The following ERI3 variants were observed in gnomAD, a reference collection of about 807,000 sequenced individuals.
ERI3 encodes ERI1 exoribonuclease 3.
A neutral mutation model predicts 44.4 loss-of-function variants in ERI3; 18 were observed. The observed-to-expected ratio is 0.41, with a 90% CI of 0.28 to 0.60. The LOEUF (loss-of-function observed/expected upper bound fraction) is 0.60, where lower values mean the gene tolerates loss of function less well. ERI3 is among the 20% of genes least tolerant of loss of function. ERI3 has a pLI of 0.36. For missense variants in ERI3, 294 were observed against 435.5 expected, an observed-to-expected ratio of 0.68 and a Z score of 2.89; for synonymous variants, 183 against 164.8, an observed-to-expected ratio of 1.11 and a Z score of -0.84.
rs1553195908 is a variant in ERI3 at position 44,314,154 on chromosome 1, G to GT, written c.607-927_607-926insA. Among the ~76,000 whole-genome samples, 3 of 36,516 alleles carry GT rather than the reference G, an allele frequency of 8.2e-5. No homozygotes were observed. The South Asian group carries it at 5.5e-3, about 67-fold the overall frequency. The allele number at this position is 36,516 out of a possible 152,430, so 24.0% of individuals were successfully genotyped here. On this transcript the variant is annotated intron_variant, in intron 4 of 8. Coordinates refer to ENST00000372257, the MANE Select transcript of ERI3 (RefSeq NM_024066.3). ...AAACTTCTTTTTTTTAAAGTGTGTT[G>GT]GGGGGGGGGAGATTAAACTCCAATT...
At chr1:44,340,696 G>C (rs1217904897) in intron 2 of ERI3, among the ~76,000 whole-genome samples, 2 of 151,946 alleles carry the variant, frequency 1.3e-5, no homozygotes, top group African/African-American at 2.4e-5. Flanking sequence ...TCCCTATAAT[G>C]AGATTTCAGG....
chr1:44,284,603 C>A (rs1232538069), intron 7 of ERI3, among the ~76,000 whole-genome samples: 3 of 152,166 alleles, frequency 2.0e-5, no homozygotes, highest in Non-Finnish European at 2.9e-5. Context: ...TGGGGGACAC[C>A]AACTAGGGCA....
chr1:44,338,439 G>C (rs970746255), intron 3 of ERI3, among the ~76,000 whole-genome samples: 2 of 152,196 alleles, frequency 1.3e-5, no homozygotes, highest in Non-Finnish European at 2.9e-5. Flanking sequence ...CTGGATTTTG[G>C]CTAAGAGCCT....
At chr1:44,257,676 C>T (rs1267983212) in intron 7 of ERI3, among the ~76,000 whole-genome samples, 2 of 152,166 alleles carry the variant, frequency 1.3e-5, no homozygotes, top group Non-Finnish European at 2.9e-5. Flanking sequence ...CTCATGGCCT[C>T]CTGCGCCAGA....
intron 7 of ERI3, among the ~76,000 whole-genome samples, chr1:44,277,099 T>A (rs1464793273): frequency 2.6e-5 from 4 of 152,202 alleles, no homozygotes; most frequent in Non-Finnish European, 5.9e-5. Flanking sequence ...AAATGACTCA[T>A]CTGTTTCACA....
intron 6 of ERI3, among the ~76,000 whole-genome samples, chr1:44,299,104 G>A (rs1645670507): frequency 6.6e-6 from 1 of 151,872 alleles, no homozygotes; most frequent in African/African-American, 2.4e-5. Flanking sequence ...TAGTTACCCA[G>A]GTGTATACTT....
At chr1:44,263,831 C>T (rs1047492904) in intron 7 of ERI3, among the ~76,000 whole-genome samples, 1 of 152,226 alleles carries the variant, frequency 6.6e-6, no homozygotes, top group African/African-American at 2.4e-5. Context: ...TGAGCCCTTC[C>T]TCCCAAGATA....
intron 8 of ERI3, among the ~76,000 whole-genome samples, chr1:44,247,307 C>T (rs1175809815): frequency 6.6e-6 from 1 of 152,102 alleles, no homozygotes; most frequent in Non-Finnish European, 1.5e-5. Context: ...CTAACAAAAC[C>T]TCCAACTGCC....
chr1:44,330,272 A>G (rs150101028), intron 3 of ERI3, among the ~76,000 whole-genome samples: 5 of 152,296 alleles, frequency 3.3e-5, no homozygotes, highest in African/African-American at 1.2e-4. Context: ...CCAGCACCTA[A>G]CCCTCAGATC....
intron 6 of ERI3, among the ~76,000 whole-genome samples, chr1:44,298,926 C>G (rs1416483033): frequency 1.3e-5 from 2 of 152,106 alleles, no homozygotes; most frequent in East Asian, 3.8e-4. Flanking sequence ...AAGAGTATGC[C>G]TTGCATGATT....
chr1:44,295,352 C>T (rs1645588949), intron 6 of ERI3, among the ~76,000 whole-genome samples: 1 of 152,226 alleles, frequency 6.6e-6, no homozygotes, highest in Admixed American at 6.5e-5. Flanking sequence ...ATTCTCACAG[C>T]ATTTGTGTTG....
chr1:44,238,967 T>A (rs1208439941), intron 8 of ERI3, among the ~76,000 whole-genome samples: 1 of 152,026 alleles, frequency 6.6e-6, no homozygotes, highest in Admixed American at 6.6e-5. Context: ...GAGTAACTAA[T>A]TACGGAAGAA....
intron 8 of ERI3, among the ~76,000 whole-genome samples, chr1:44,224,705 T>C (rs749449982): frequency 1.3e-5 from 2 of 152,194 alleles, no homozygotes; most frequent in Admixed American, 6.5e-5. Context: ...AGATGACTGA[T>C]AGGGGCCAGC....
At chr1:44,245,128 C>T (rs1217691948) in intron 8 of ERI3, among the ~76,000 whole-genome samples, 4 of 152,322 alleles carry the variant, frequency 2.6e-5, no homozygotes, top group Admixed American at 2.6e-4. Context: ...CAAACTCTTA[C>T]AGCGCGACCC....
chr1:44,234,157 T>A (rs1281517907), intron 8 of ERI3, among the ~76,000 whole-genome samples: 3 of 152,172 alleles, frequency 2.0e-5, no homozygotes, highest in African/African-American at 7.2e-5. Context: ...GGCAAACTTA[T>A]CCCCTCCTGG....
chr1:44,291,599 A>G (rs757469376), intron 6 of ERI3, among the ~76,000 whole-genome samples: 62 of 152,344 alleles, frequency 4.1e-4, no homozygotes, highest in Non-Finnish European at 7.6e-4. Context: ...ATAGGAGATC[A>G]CATCAAAGCT....
chr1:44,255,567 C>T (rs1480962712), intron 7 of ERI3, among the ~76,000 whole-genome samples: 1 of 152,132 alleles, frequency 6.6e-6, no homozygotes, highest in South Asian at 2.1e-4. Context: ...TTTCTAATTT[C>T]CAAATCTGTA....
At position 44,228,260 on chromosome 1, in the gene ERI3, G is replaced by T. The variant is rs1464474978; in HGVS notation, c.932-6620C>A. 1.3e-5 allele frequency among the ~76,000 whole-genome samples: 2 copies of T among 152,100 alleles called. No homozygotes were observed. The highest frequency in any genetic ancestry group is 4.8e-5 in the African/African-American group (2 of 41,414). ...CCTCAGCCCCCTCCACCCCACCGAG[G>T]TGCCTGGAGGTGCCACAGGCTGATG... On this transcript the variant is annotated intron_variant, in intron 8 of 8. Transcript: ENST00000372257. This position sits in a 1 kb window ranked among gnomAD's most constrained non-coding sequence, Gnocchi z 4.3.
intron 7 of ERI3, among the ~76,000 whole-genome samples, chr1:44,261,236 C>T (rs1427796936): frequency 6.6e-6 from 1 of 152,252 alleles, no homozygotes; most frequent in African/African-American, 2.4e-5. Context: ...GCGGGGTGGG[C>T]CGGCTGGCAG....
Sources: gnomAD v4.1 joint callset for allele counts (sites outside exome capture counted in the v4.1 genomes callset) on GRCh38, gnomAD v4.1.1 for gene constraint, Gnocchi (gnomAD v3.1) non-coding constraint, MANE v1.5 for transcripts, NCBI Gene and HGNC (gene_info 2026-07-23, HGNC 2026-07-21) for gene names.